The following SSBP2 variants were observed in gnomAD, a reference collection of about 807,000 sequenced individuals.
The protein encoded by SSBP2 is single stranded DNA binding protein 2.
SSBP2 carries 17 observed loss-of-function variants against 61.8 expected under a neutral mutation model. That is an observed-to-expected ratio of 0.28 (90% CI 0.19 to 0.41). The LOEUF is 0.41. SSBP2 is among the 10% of genes least tolerant of loss of function. The pLI is 1.00. For missense variants in SSBP2, 310 were observed against 458.7 expected, an observed-to-expected ratio of 0.68 and a Z score of 2.96; for synonymous variants, 139 against 141.3, an observed-to-expected ratio of 0.98 and a Z score of 0.12.
intron 2 of SSBP2, 42 bp downstream of exon 2, chr5:81,650,225 A>G (rs1749610588): frequency 7.5e-7 from 1 of 1,334,806 alleles, no homozygotes; most frequent in Admixed American, 2.2e-5. Context: ...CCATTCATTT[A>G]TATAAGATCA....
At chr5:81,542,328 T>A (rs1771337753) in intron 4 of SSBP2, among the ~76,000 whole-genome samples, 1 of 152,182 alleles carries the variant, frequency 6.6e-6, no homozygotes, top group African/African-American at 2.4e-5. Flanking sequence ...TGTAATTTAG[T>A]TCAGCCACCG....
At chr5:81,450,259 C>T (rs913747632) in intron 10 of SSBP2, among the ~76,000 whole-genome samples, 8 of 152,054 alleles carry the variant, frequency 5.3e-5, no homozygotes, top group African/African-American at 9.7e-5. Context: ...CTGAGCCAAG[C>T]GATCCATCTG....
chr5:81,523,786 C>T (rs931488665), intron 4 of SSBP2, among the ~76,000 whole-genome samples: 4 of 152,016 alleles, frequency 2.6e-5, no homozygotes, highest in Admixed American at 1.3e-4. Context: ...TACTCCCTAC[C>T]GCCAACACAC....
In SSBP2 at chr5:81,420,228, T is replaced by C. The variant is rs1233466683; in HGVS notation, c.*276A>G. The C allele has an allele frequency of 6.4e-6, 3 of 469,892 alleles. No individual in the cohort carries two copies. Among genetic ancestry groups the C allele is most frequent in the African/African-American group, 1.9e-5 (1 of 51,322 alleles). The allele number at this position is 469,892 out of a possible 1,614,324, so 29.1% of individuals were successfully genotyped here. A position where few individuals can be genotyped will look rare whatever the true frequency, so the allele number is the denominator to read the frequency against. On this transcript the variant is annotated 3_prime_UTR_variant, in exon 17 of 17. Transcript: ENST00000320672. The stretch of plus-strand genomic sequence containing the variant: ...TATATGTCTGTATAACATACACATA[T>C]ACAGTACATTCTCTTTCCCACACAT...
At chr5:81,656,498 G>C (rs1435400774) in intron 1 of SSBP2, among the ~76,000 whole-genome samples, 2 of 152,066 alleles carry the variant, frequency 1.3e-5, no homozygotes, top group Admixed American at 1.3e-4. Context: ...GTTTCTGGGG[G>C]AACAGGTGGT....
chr5:81,553,247 T>G (rs1422360020), intron 4 of SSBP2, among the ~76,000 whole-genome samples: 1 of 152,216 alleles, frequency 6.6e-6, no homozygotes, highest in Non-Finnish European at 1.5e-5. Context: ...GACCCTACTC[T>G]CTGTAACTAC....
chr5:81,648,723 G>C (rs545003851), intron 2 of SSBP2, among the ~76,000 whole-genome samples: 25 of 151,960 alleles, frequency 1.6e-4, no homozygotes, highest in Non-Finnish European at 2.9e-4. Flanking sequence ...TGGGTACATA[G>C]TAGTATATAT....
Position 81,564,723 on chromosome 5 carries a change from A to C in SSBP2, c.282+50750T>G, listed in dbSNP as rs528593356. 2.6e-5 allele frequency among the ~76,000 whole-genome samples: 4 copies of C among 152,332 alleles called. No homozygotes were observed. In the East Asian group the frequency reaches 7.7e-4, roughly 29 times the overall value. The stretch of plus-strand genomic sequence containing the variant: ...CTTAGGCAAAGCCCCATGCAAAATT[A>C]AATTATGAAGTATCAGAAATCAAGA... On this transcript the variant is annotated intron_variant, in intron 4 of 16. Transcript: ENST00000320672.
chr5:81,719,678 C>G (rs1157591374), intron 1 of SSBP2, among the ~76,000 whole-genome samples: 2 of 152,110 alleles, frequency 1.3e-5, no homozygotes, highest in Non-Finnish European at 1.5e-5. Flanking sequence ...GAGGAGGAGG[C>G]ATGCCATGAA....
chr5:81,708,269 A>G (rs1388195604), intron 1 of SSBP2, among the ~76,000 whole-genome samples: 1 of 152,170 alleles, frequency 6.6e-6, no homozygotes, highest in Admixed American at 6.5e-5. Context: ...AAATAGAGTC[A>G]CATAAGCTAT....
At chr5:81,634,396 A>G (rs1748006886) in intron 3 of SSBP2, among the ~76,000 whole-genome samples, 1 of 152,126 alleles carries the variant, frequency 6.6e-6, no homozygotes, top group Non-Finnish European at 1.5e-5. Context: ...TATTTCTTAA[A>G]TGTATTTGAT....
At chr5:81,622,543 G>A (rs1248149285) in intron 3 of SSBP2, among the ~76,000 whole-genome samples, 1 of 152,054 alleles carries the variant, frequency 6.6e-6, no homozygotes, top group Non-Finnish European at 1.5e-5. Context: ...TATAAAATGG[G>A]GTTGCTGAGA....
At chr5:81,508,781 CTATT>C (rs1398251903) in intron 5 of SSBP2, among the ~76,000 whole-genome samples, 8 of 152,120 alleles carry the variant, frequency 5.3e-5, no homozygotes, top group African/African-American at 1.4e-4. Flanking sequence ...GTATGTTTGT[CTATT>C]TAGGAGAAAT....
At chr5:81,474,620 T>C (rs1247365968) in intron 6 of SSBP2, 58 bp from the exon 7 acceptor site, 1 of 1,277,390 alleles carries the variant, frequency 7.8e-7, no homozygotes, top group African/African-American at 1.5e-5. Flanking sequence ...AAAATAAGTT[T>C]TTTAACAATT....
chr5:81,427,377 T>C (rs1401718634), intron 16 of SSBP2, among the ~76,000 whole-genome samples: 2 of 152,156 alleles, frequency 1.3e-5, no homozygotes, highest in South Asian at 4.1e-4. Context: ...TCACTAATCA[T>C]ATATTGCCTG....
rs369271178 is a variant in SSBP2, at chr5:81,508,725, C to T, written c.372+4903G>A. ...GTAATGAATTTAAGTCTATACTTAT[C>T]ATGGAAGAGGGAGCTTGTTCTGTAA... On this transcript the variant is annotated intron_variant, in intron 5 of 16. Coordinates refer to ENST00000320672, the MANE Select transcript of SSBP2 (RefSeq NM_012446.5). Among the ~76,000 whole-genome samples, 3 of 152,140 alleles carry T rather than the reference C, an allele frequency of 2.0e-5. No individual in the cohort carries two copies. The East Asian group carries it at 5.8e-4, about 29-fold the overall frequency.
At chr5:81,424,731 A>G (rs1461433331) in intron 16 of SSBP2, among the ~76,000 whole-genome samples, 1 of 152,250 alleles carries the variant, frequency 6.6e-6, no homozygotes, top group African/African-American at 2.4e-5. Context: ...GAATTTTGCT[A>G]TAGATTACTA....
intron 15 of SSBP2, among the ~76,000 whole-genome samples, chr5:81,434,865 G>A (rs1304264739): frequency 2.6e-5 from 4 of 152,092 alleles, no homozygotes; most frequent in East Asian, 1.9e-4. Context: ...TGTATACCTC[G>A]TAGTCAAAGA....
chr5:81,512,765 G>C (rs1768713183), intron 5 of SSBP2, among the ~76,000 whole-genome samples: 1 of 152,050 alleles, frequency 6.6e-6, no homozygotes, highest in African/African-American at 2.4e-5. Flanking sequence ...GCTAACAAAT[G>C]ATTATGAAGA....
Sources: allele counts gnomAD v4.1 joint callset (sites outside exome capture counted in the v4.1 genomes callset), GRCh38; gene constraint gnomAD v4.1.1; transcripts MANE v1.5; gene names NCBI Gene and HGNC (gene_info 2026-07-23, HGNC 2026-07-21).